SLC71A2: variants seen among roughly 807,000 people sequenced by gnomAD.
SLC71A2 encodes solute carrier family 71 member 2.
At chr9:94,453,988 T>G in the SLC71A2 span, 2 of 1,613,988 alleles carry the variant, frequency 1.2e-6, no homozygotes, top group Admixed American at 3.3e-5. Flanking sequence ...GATGAGATCA[T>G]TAGGAAATAA....
the SLC71A2 span, chr9:94,460,834 G>C: frequency 1.3e-5 from 2 of 152,280 alleles, no homozygotes; most frequent in Non-Finnish European, 2.9e-5. Context: ...GTTCTGCTAT[G>C]AACAGAGATA....
At chr9:94,441,258 A>G in the SLC71A2 span, among the ~76,000 whole-genome samples, 1 of 152,238 alleles carries the variant, frequency 6.6e-6, no homozygotes, top group Non-Finnish European at 1.5e-5. Flanking sequence ...ATTGTCTCAC[A>G]GTTCTGCAGG....
chr9:94,398,333 T>A, the SLC71A2 span, among the ~76,000 whole-genome samples: 1 of 151,202 alleles, frequency 6.6e-6, no homozygotes, highest in Non-Finnish European at 1.5e-5. Context: ...AAGTTTTTAT[T>A]TCTGCAATGG....
At chr9:94,411,529 T>C in the SLC71A2 span, among the ~76,000 whole-genome samples, 1 of 152,146 alleles carries the variant, frequency 6.6e-6, no homozygotes, top group Admixed American at 6.5e-5. Context: ...AGATTCACTA[T>C]TTCAGTAAGG....
At chr9:94,377,085 C>CAGGT in the SLC71A2 span, among the ~76,000 whole-genome samples, 1 of 146,132 alleles carries the variant, frequency 6.8e-6, no homozygotes, top group African/African-American at 2.5e-5. Flanking sequence ...CTAGCATGAG[C>CAGGT]AGGTAGCAGT....
At chr9:94,442,600 C>G in the SLC71A2 span, among the ~76,000 whole-genome samples, 1 of 152,138 alleles carries the variant, frequency 6.6e-6, no homozygotes, top group Admixed American at 6.5e-5. Flanking sequence ...CCTGTAATCT[C>G]AGCACTTTGA....
the SLC71A2 span, among the ~76,000 whole-genome samples, chr9:94,422,856 T>G: frequency 6.6e-6 from 1 of 152,212 alleles, no homozygotes; most frequent in East Asian, 1.9e-4. Context: ...ACAATTTTTT[T>G]CATGTGTACG....
chr9:94,392,833 C>A, the SLC71A2 span, among the ~76,000 whole-genome samples: 1 of 123,260 alleles, frequency 8.1e-6, no homozygotes, highest in African/African-American at 3.2e-5. Flanking sequence ...ACACAATGAT[C>A]ATCTTTAGTA....
the SLC71A2 span, among the ~76,000 whole-genome samples, chr9:94,422,400 T>C: frequency 6.6e-6 from 1 of 152,266 alleles, no homozygotes; most frequent in East Asian, 1.9e-4. Context: ...CTGGAGTCTA[T>C]TGACACAAAT....
the SLC71A2 span, among the ~76,000 whole-genome samples, chr9:94,416,433 G>A: frequency 3.0e-4 from 46 of 152,258 alleles, no homozygotes; most frequent in African/African-American, 8.2e-4. Flanking sequence ...CTCTGGGTAC[G>A]GATAATCTTT....
chr9:94,417,407 C>T, the SLC71A2 span, among the ~76,000 whole-genome samples: 2 of 152,086 alleles, frequency 1.3e-5, no homozygotes, highest in South Asian at 2.1e-4. Context: ...GCAGGTGGAT[C>T]GCTTGAGGAT....
At chr9:94,446,186 A>G in the SLC71A2 span, among the ~76,000 whole-genome samples, 3 of 152,248 alleles carry the variant, frequency 2.0e-5, no homozygotes, top group East Asian at 3.8e-4. Flanking sequence ...TATTAATTAC[A>G]TAAAAGCTAT....
At chr9:94,436,892 G>A in the SLC71A2 span, among the ~76,000 whole-genome samples, 1 of 152,144 alleles carries the variant, frequency 6.6e-6, no homozygotes, top group Admixed American at 6.5e-5. Flanking sequence ...TAGGCACCAC[G>A]GGTACAGAGA....
the SLC71A2 span, among the ~76,000 whole-genome samples, chr9:94,377,788 C>G: frequency 6.6e-6 from 1 of 151,738 alleles, no homozygotes; most frequent in East Asian, 1.9e-4. Context: ...AGTATTTACT[C>G]CAAGAGATCA....
chr9:94,459,282 G>A, the SLC71A2 span: 2 of 1,614,130 alleles, frequency 1.2e-6, no homozygotes. Context: ...CACAGTAACA[G>A]CAGCAGCGGC....
chr9:94,424,696 G>C, the SLC71A2 span, among the ~76,000 whole-genome samples: 4 of 142,568 alleles, frequency 2.8e-5, no homozygotes, highest in East Asian at 8.3e-4. Flanking sequence ...ACTATAGATT[G>C]ATTGTGGAAG....
At chr9:94,424,321 G>A in the SLC71A2 span, among the ~76,000 whole-genome samples, 1 of 151,780 alleles carries the variant, frequency 6.6e-6, no homozygotes, top group African/African-American at 2.4e-5. Flanking sequence ...TGCAACCTCC[G>A]CCTTCTGGGT....
At chr9:94,388,087 G>A in the SLC71A2 span, among the ~76,000 whole-genome samples, 2 of 152,142 alleles carry the variant, frequency 1.3e-5, no homozygotes, top group Non-Finnish European at 2.9e-5. Flanking sequence ...CTGTGATGCA[G>A]TAGAAGTACA....
chr9:94,419,601 G>A, the SLC71A2 span, among the ~76,000 whole-genome samples: 9 of 152,186 alleles, frequency 5.9e-5, no homozygotes, highest in South Asian at 2.1e-4. Flanking sequence ...CACTGCACCC[G>A]GCCTTTTGTT....
Sources: allele counts gnomAD v4.1 joint callset (sites outside exome capture counted in the v4.1 genomes callset), GRCh38; gene constraint gnomAD v4.1.1; transcripts MANE v1.5; gene names NCBI Gene and HGNC (gene_info 2026-07-23, HGNC 2026-07-21).